Variants in VWF observed in about 807,000 individuals in gnomAD.
VWF encodes the protein Factor VIII related antigen.
A neutral mutation model predicts 308.6 loss-of-function variants in VWF; 176 were observed. The observed-to-expected ratio is 0.57, with a 90% CI of 0.50 to 0.65. The LOEUF (loss-of-function observed/expected upper bound fraction) is 0.65, where lower values mean the gene tolerates loss of function less well. VWF is among the 30% of genes least tolerant of loss of function. The pLI is 0.00. For synonymous variants in VWF, 1,385 were observed against 1,443.4 expected, an observed-to-expected ratio of 0.96 and a Z score of 0.92; for missense variants, 3,146 against 3,648.2, an observed-to-expected ratio of 0.86 and a Z score of 3.55.
chr12:6,023,137 G>A (rs1944148606), intron 25 of VWF, among the ~76,000 whole-genome samples: 1 of 152,022 alleles, frequency 6.6e-6, no homozygotes, highest in Non-Finnish European at 1.5e-5. Context: ...GCCCAGGCTG[G>A]TCTTGAACTC....
intron 15 of VWF, 49 bp from the exon 16 acceptor site, chr12:6,052,832 A>G (rs1303780920): frequency 1.3e-6 from 2 of 1,590,204 alleles, no homozygotes; most frequent in African/African-American, 2.7e-5. Context: ...TTGGACAGCA[A>G]GGACTGTGGT....
chr12:6,103,464 A>G (rs1475685763), intron 5 of VWF, among the ~76,000 whole-genome samples: 1 of 61,268 alleles, frequency 1.6e-5, no homozygotes, highest in African/African-American at 8.4e-5. Context: ...ATGTGTATAT[A>G]CACATATGTG....
intron 16 of VWF, 128 bp downstream of exon 16, chr12:6,052,415 G>GTTC: frequency 7.0e-7 from 1 of 1,436,086 alleles, no homozygotes; most frequent in Non-Finnish European, 9.8e-7. Flanking sequence ...TTGCTGTACA[G>GTTC]TTCTGGACAA....
intron 2 of VWF, among the ~76,000 whole-genome samples, chr12:6,122,537 AT>A (rs1252103432): frequency 2.0e-5 from 3 of 152,102 alleles, no homozygotes; most frequent in Non-Finnish European, 2.9e-5. Context: ...ACAAATGTGT[AT>A]TTTTTTTCCC....
Position 6,024,701 on chromosome 12 carries a change from G to A in VWF, c.3222+879C>T, listed in dbSNP as rs910026557. ...TGTACAAGCCCATGTCCACATGTGT[G>A]TACACACATACATGCAGCAGATAAG... On this transcript the variant is annotated intron_variant, in intron 24 of 51. Coordinates refer to ENST00000261405, the MANE Select transcript of VWF (RefSeq NM_000552.5). This position sits in a 1 kb window ranked among gnomAD's most constrained non-coding sequence, Gnocchi z 4.0. 6.6e-6 allele frequency among the ~76,000 whole-genome samples: 1 copy of A among 152,222 alleles called. No homozygotes were observed. Among genetic ancestry groups the A allele is most frequent in the African/African-American group, 2.4e-5 (1 of 41,462 alleles).
intron 38 of VWF, among the ~76,000 whole-genome samples, chr12:5,988,747 G>A (rs1051654512): frequency 5.9e-5 from 9 of 152,194 alleles, no homozygotes; most frequent in Non-Finnish European, 8.8e-5. Flanking sequence ...GCAGCAACGC[G>A]GCCGGCAGAT....
chr12:5,951,307 G>A (rs1378990074), intron 50 of VWF, among the ~76,000 whole-genome samples: 1 of 152,178 alleles, frequency 6.6e-6, no homozygotes, highest in African/African-American at 2.4e-5. Context: ...TCAGAGTGAA[G>A]AAGAGGGGGT....
chr12:6,035,423 C>T (rs1012561555), intron 19 of VWF, among the ~76,000 whole-genome samples: 1 of 152,216 alleles, frequency 6.6e-6, no homozygotes, highest in Non-Finnish European at 1.5e-5. Flanking sequence ...CCAGAGCTGA[C>T]ATCAAGAAGC....
At chr12:5,958,883 T>C (rs1943280424) in intron 47 of VWF, among the ~76,000 whole-genome samples, 1 of 152,090 alleles carries the variant, frequency 6.6e-6, no homozygotes, top group African/African-American at 2.4e-5. Flanking sequence ...CAAGCTTAGA[T>C]AGGACTAGAG....
At chr12:6,090,026 C>T (rs1346606320) in intron 6 of VWF, among the ~76,000 whole-genome samples, 1 of 152,018 alleles carries the variant, frequency 6.6e-6, no homozygotes, top group Non-Finnish European at 1.5e-5. Context: ...AGTGCAATCT[C>T]GGCTCACTGC....
chr12:6,018,330 C>G, intron 28 of VWF, 35 bp downstream of exon 28: 1 of 1,595,416 alleles, frequency 6.3e-7, no homozygotes. Flanking sequence ...AGCCCTCGCC[C>G]AGCCCTCCCA....
chr12:5,973,854 G>A (rs912341353), intron 43 of VWF, among the ~76,000 whole-genome samples: 1 of 152,184 alleles, frequency 6.6e-6, no homozygotes, highest in Non-Finnish European at 1.5e-5. Flanking sequence ...AGGCTTCATG[G>A]AAAATCCCCT....
At chr12:5,978,196 G>A (rs1463071450) in intron 42 of VWF, among the ~76,000 whole-genome samples, 1 of 150,714 alleles carries the variant, frequency 6.6e-6, no homozygotes, top group Admixed American at 6.6e-5. Context: ...TCAAAACCTA[G>A]TATTTACACA....
chr12:5,969,520 C>T lies in VWF; in HGVS notation c.7549-129G>A, dbSNP rs1943445686. ...GCCTGGCTTAACATGTAAGTCCCAC[C>T]ACAGGGTAGGGCCCACGGAGGGGAT... On this transcript the variant is annotated intron_variant, in intron 44 of 51. Coordinates refer to ENST00000261405, the MANE Select transcript of VWF (RefSeq NM_000552.5). 2.0e-5 allele frequency: 22 copies of T among 1,120,086 alleles called. No homozygotes were observed. The South Asian group carries it at 3.3e-4, about 17-fold the overall frequency. The allele number at this position is 1,120,086 out of a possible 1,614,324, so 69.4% of individuals were successfully genotyped here.
rs527941903 is a variant in VWF, at chr12:6,092,541, G to A, written c.657+2919C>T. On this transcript the variant is annotated intron_variant, in intron 6 of 51. Coordinates refer to ENST00000261405, the MANE Select transcript of VWF (RefSeq NM_000552.5). ...TGTCTGTGTGTGTGTGTGTGCACGC[G>A]CGTGTGCCACCATGCCCAGCTAGTG... Among the ~76,000 whole-genome samples the A allele has an allele frequency of 2.1e-4, 31 of 150,400 alleles. No homozygotes were observed. The South Asian group carries it at 2.1e-3, about 10-fold the overall frequency.
chr12:5,971,770 C>T (rs571592293), intron 43 of VWF, 61 bp from the exon 44 acceptor site: 3 of 1,398,862 alleles, frequency 2.1e-6, no homozygotes, highest in Middle Eastern at 1.8e-4. Flanking sequence ...GGGGCTCTTA[C>T]CTACGCCTCC....
intron 5 of VWF, 189 bp from the exon 6 acceptor site, chr12:6,095,773 G>A (rs1565388009): frequency 1.4e-6 from 1 of 739,114 alleles, no homozygotes; most frequent in Non-Finnish European, 2.2e-6. Flanking sequence ...CTACTGAGCA[G>A]CACAGGAGTT....
At chr12:5,952,015 C>G in intron 49 of VWF, 132 bp from the exon 50 acceptor site, 1 of 911,526 alleles carries the variant, frequency 1.1e-6, no homozygotes, top group Non-Finnish European at 1.8e-6. Context: ...ACTATGCTTT[C>G]CTATCATAAA....
chr12:6,027,302 ACT>A, intron 22 of VWF, among the ~76,000 whole-genome samples: 1 of 151,822 alleles, frequency 6.6e-6, no homozygotes, highest in East Asian at 1.9e-4. Context: ...GTCTGCCTAA[ACT>A]CTCTCCCCTA....
Sources: allele counts gnomAD v4.1 joint callset (sites outside exome capture counted in the v4.1 genomes callset), GRCh38; gene constraint gnomAD v4.1.1; non-coding constraint Gnocchi (gnomAD v3.1); transcripts MANE v1.5; gene names NCBI Gene and HGNC (gene_info 2026-07-23, HGNC 2026-07-21).